The following HPS3 variants were observed in gnomAD, a reference collection of about 807,000 sequenced individuals.
HPS3 encodes the protein BLOC-2 complex member HPS3.
A neutral mutation model predicts 110.9 loss-of-function variants in HPS3; 79 were observed. That is an observed-to-expected ratio of 0.71 (90% confidence interval 0.59 to 0.86). The LOEUF (loss-of-function observed/expected upper bound fraction) is 0.86. Ranked by LOEUF, HPS3 falls within the 40% of genes least tolerant of loss-of-function variation. The pLI is 0.00. For synonymous variants in HPS3, 428 were observed against 451.0 expected (o/e 0.95, Z 0.65); for missense variants, 1,197 against 1,206.2 (o/e 0.99, Z 0.11).
rs1421490921 is a variant in HPS3, at chr3:149,173,614, T to G, written c.*1392T>G. On this transcript the variant is annotated 3_prime_UTR_variant, in exon 17 of 17. Transcript: ENST00000296051. The stretch of plus-strand genomic sequence containing the variant: ...ATGCTTCCAGTCTTCTTTTAATGTT[T>G]ATAGTCATTCCAAAGTAACATTCTA... 3.7e-6 allele frequency: 3 copies of G among 811,690 alleles called. No individual in the cohort carries two copies. The highest frequency in any genetic ancestry group is 1.7e-5 in the African/African-American group (1 of 57,790). The allele number at this position is 811,690 out of a possible 1,614,324, so 50.3% of individuals were successfully genotyped here.
At chr3:149,159,999 T>C in intron 10 of HPS3, 47 bp from the exon 11 acceptor site, 1 of 1,392,592 alleles carries the variant, frequency 7.2e-7, no homozygotes, top group Non-Finnish European at 1.0e-6. Flanking sequence ...TGCTTTCTTC[T>C]GGCTGACTGA....
In HPS3 at chr3:149,167,162, G is replaced by T; in HGVS notation, c.2718G>T (p.Gln906His). The change falls in exon 15 of 17, where the codon CAG becomes CAT. Residue 906 changes from glutamine to histidine, a missense_variant. Coordinates refer to ENST00000296051, the MANE Select transcript of HPS3 (RefSeq NM_032383.5). The part of the protein sequence containing the change: ...LCRTRLKEYE[Q>H]CIDILLERCP... Reference sequence around the variant, plus strand: ...GTACACGCTTGAAAGAGTATGAACAGTGCATAGACATACTGTTAGAGAGAT... The same window carrying T: ...GTACACGCTTGAAAGAGTATGAACATTGCATAGACATACTGTTAGAGAGAT... 1.2e-6 allele frequency: 2 copies of T among 1,613,800 alleles called. No homozygotes were observed. The highest frequency in any genetic ancestry group is 1.7e-6 in the Non-Finnish European group (2 of 1,179,680).
Position 149,145,554 on chromosome 3 carries a change from T to TA in HPS3, c.1163+9dup. 1 of 1,611,398 alleles carries TA rather than the reference T, an allele frequency of 6.2e-7. No homozygotes were observed. Among genetic ancestry groups the TA allele is most frequent in the Non-Finnish European group, 8.5e-7 (1 of 1,177,470 alleles). ...TTTGCACGTCATTACAAGGTACTGTTAGAGGGTCACTTGCTGGCCTGTGAG... is the reference window on the plus strand; with the variant it reads ...TTTGCACGTCATTACAAGGTACTGTTAAGAGGGTCACTTGCTGGCCTGTGAG... On this transcript the variant is annotated intron_variant, in intron 5 of 16. Coordinates refer to ENST00000296051, the MANE Select transcript of HPS3 (RefSeq NM_032383.5).
intron 8 of HPS3, among the ~76,000 whole-genome samples, chr3:149,155,778 C>A (rs780891122): frequency 6.6e-6 from 1 of 152,150 alleles, no homozygotes; most frequent in Non-Finnish European, 1.5e-5. Context: ...TAAGTATATT[C>A]TTCCCAACCC....
intron 5 of HPS3, among the ~76,000 whole-genome samples, chr3:149,148,399 CTTTT>C (rs66720211): frequency 2.0e-5 from 2 of 100,348 alleles, no homozygotes; most frequent in African/African-American, 4.2e-5. Flanking sequence ...CATATCAAGA[CTTTT>C]TTTTTTTTTT....
At chr3:149,143,262 C>T (rs1322148814) in intron 4 of HPS3, among the ~76,000 whole-genome samples, 2 of 152,204 alleles carry the variant, frequency 1.3e-5, no homozygotes, top group Non-Finnish European at 2.9e-5. Context: ...TTCCCTCTTC[C>T]TTAGAGACGC....
At chr3:149,145,985 T>C (rs35427504) in intron 5 of HPS3, among the ~76,000 whole-genome samples, 49,230 of 152,008 alleles carry the variant, frequency 0.32, 8,485 homozygotes, top group African/African-American at 0.45. Flanking sequence ...GATTCTCTCC[T>C]TGATTGGCAC....
At chr3:149,142,870 T>C (rs1722561059) in intron 4 of HPS3, among the ~76,000 whole-genome samples, 1 of 152,150 alleles carries the variant, frequency 6.6e-6, no homozygotes, top group Non-Finnish European at 1.5e-5. Flanking sequence ...CAAAAGACCC[T>C]GACCTCATCT....
At chr3:149,171,993 C>T in intron 16 of HPS3, 102 bp from the exon 17 acceptor site, 1 of 1,163,434 alleles carries the variant, frequency 8.6e-7, no homozygotes, top group South Asian at 1.2e-5. Context: ...GCGTGAGCCA[C>T]CACGCCTGGC....
intron 1 of HPS3, among the ~76,000 whole-genome samples, chr3:149,136,418 C>T (rs34929927): frequency 0.023 from 3,568 of 152,202 alleles, 65 homozygotes; most frequent in South Asian, 0.067. Context: ...AAATTTAGTT[C>T]CCTTCTCTTT....
Position 149,167,104 on chromosome 3 carries a change from C to A in HPS3, c.2660C>A (p.Thr887Asn), listed in dbSNP as rs1724500228. The stretch of plus-strand genomic sequence containing the variant: ...TTCTTGGAGCCACTTTCAGAAGACA[C>A]TATTGCCGGCCTCAGTGTCCATGTT... Reference protein sequence around the residue: ...IPFLEPLSEDTIAGLSVHVLC... With the variant: ...IPFLEPLSEDNIAGLSVHVLC... The change falls in exon 15 of 17, where the codon ACT (threonine) becomes AAT (asparagine). Residue 887 changes from threonine (T) to asparagine (N), a missense_variant. Thr to Asn is a moderately conservative substitution (Grantham distance 65). Coordinates refer to ENST00000296051, the MANE Select transcript of HPS3 (RefSeq NM_032383.5). 1 of 1,613,918 alleles carries A rather than the reference C, an allele frequency of 6.2e-7. No individual in the cohort carries two copies. Among genetic ancestry groups the A allele is most frequent in the Non-Finnish European group, 8.5e-7 (1 of 1,179,800 alleles).
chr3:149,171,830 G>C (rs1419297480), intron 16 of HPS3, among the ~76,000 whole-genome samples: 4 of 151,164 alleles, frequency 2.6e-5, no homozygotes, highest in Non-Finnish European at 5.9e-5. Context: ...TCAGCCTCCT[G>C]AGTAGCTAGG....
At chr3:149,133,849 T>C (rs1442729264) in intron 1 of HPS3, among the ~76,000 whole-genome samples, 1 of 152,240 alleles carries the variant, frequency 6.6e-6, no homozygotes, top group African/African-American at 2.4e-5. Flanking sequence ...TAATAGACTA[T>C]AATCTAGTAC....
chr3:149,129,828 G>C lies in HPS3; in HGVS notation c.105G>C (p.Val35=), dbSNP rs921388230. Residue 35 remains valine (V), a synonymous_variant, in exon 1 of 17, where the codon GTG becomes GTC. Coordinates refer to ENST00000296051, the MANE Select transcript of HPS3 (RefSeq NM_032383.5). ...FCGGGRDALF[V]AAGCKVEAFA... ...GCGGGGGGCGTGACGCGCTTTTCGT[G>C]GCGGCGGGCTGCAAGGTGGAGGCGT... 1.2e-6 allele frequency: 2 copies of C among 1,605,440 alleles called. No homozygotes were observed. The highest frequency in any genetic ancestry group is 2.7e-5 in the African/African-American group (2 of 74,852).
intron 16 of HPS3, chr3:149,168,417 C>T (rs1370825471): frequency 1.6e-5 from 3 of 193,106 alleles, no homozygotes; most frequent in Admixed American, 5.4e-5. Flanking sequence ...TAAATTGTAC[C>T]GTATTTTACA....
At position 149,167,815 on chromosome 3, in the gene HPS3, C is replaced by T. The variant is rs1269394141; in HGVS notation, c.2797-78C>T. ...TGTATTTTTGCTCTGTGCTTTCCTG[C>T]ACAATCTTCTTATTCTCCTTTGAAA... On this transcript the variant is annotated intron_variant, in intron 15 of 16. Transcript: ENST00000296051. 4.4e-6 allele frequency: 4 copies of T among 899,094 alleles called. No homozygotes were observed. In the African/African-American group the frequency reaches 6.6e-5, roughly 15 times the overall value. 55.7% of individuals were successfully genotyped at this position (899,094 alleles called of 1,614,324 possible). A position where few individuals can be genotyped will look rare whatever the true frequency, so the allele number is the denominator to read the frequency against.
At chr3:149,149,745 G>T (rs1023113904) in intron 5 of HPS3, among the ~76,000 whole-genome samples, 1 of 151,874 alleles carries the variant, frequency 6.6e-6, no homozygotes, top group East Asian at 1.9e-4. Flanking sequence ...TTTCTGTCCC[G>T]TCACATAATG....
intron 4 of HPS3, among the ~76,000 whole-genome samples, chr3:149,144,994 A>G (rs944424806): frequency 2.6e-5 from 4 of 152,192 alleles, no homozygotes; most frequent in African/African-American, 4.8e-5. Context: ...TGTGGCTCAC[A>G]TATTTCTATC....
rs567188396 is a variant in HPS3 at position 149,153,494 on chromosome 3, G to T, written c.1246G>T (p.Ala416Ser). ...TAAATATGTGATTTTCCTTTACTAGGCTTGCCCACCTGTCAGTATGGATGT... is the reference window on the plus strand; with the variant it reads ...TAAATATGTGATTTTCCTTTACTAGTCTTGCCCACCTGTCAGTATGGATGT... ...EDPYMDTTLK[A>S]CPPVSMDVCA... The change falls in exon 7 of 17, where the codon GCT (alanine) becomes TCT (serine). Residue 416 changes from alanine to serine, a missense_variant and splice_region_variant. Ala to Ser is a moderately conservative substitution (Grantham distance 99). Transcript: ENST00000296051. 4.3e-6 allele frequency: 7 copies of T among 1,613,082 alleles called. No individual in the cohort carries two copies. The highest frequency in any genetic ancestry group is 1.1e-5 in the South Asian group (1 of 91,052).
Sources: gnomAD v4.1 joint callset for allele counts (sites outside exome capture counted in the v4.1 genomes callset) on GRCh38, gnomAD v4.1.1 for gene constraint, MANE v1.5 for transcripts, NCBI Gene and HGNC (gene_info 2026-07-23, HGNC 2026-07-21) for gene names.